Variants in COL21A1 observed in about 807,000 individuals in gnomAD.
The protein encoded by COL21A1 is collagen type XXI alpha 1 chain, also known as collagen alpha-1(XXI) chain.
COL21A1 carries 149 observed loss-of-function variants against 137.9 expected under a neutral mutation model. That is an observed-to-expected ratio of 1.08 (90% confidence interval 0.95 to 1.24). The LOEUF is 1.24. Ranked by LOEUF, COL21A1 falls within the 50% of genes most tolerant of loss-of-function variation. The probability of loss-of-function intolerance (pLI) is 0.00; values close to 1 mark genes in which losing one functional copy is unlikely to be tolerated. For missense variants in COL21A1, 1,167 were observed against 1,158.4 expected (o/e 1.01, Z -0.11); for synonymous variants, 456 against 391.5 (o/e 1.16, Z -1.95).
At chr6:56,220,453 C>G (rs1780759896) in intron 1 of COL21A1, among the ~76,000 whole-genome samples, 1 of 152,130 alleles carries the variant, frequency 6.6e-6, no homozygotes, top group African/African-American at 2.4e-5. Flanking sequence ...GTTGTCTATG[C>G]TTATTTGGTG....
rs1390456763 is a variant in COL21A1, at chr6:56,113,099, A to G, written c.1758+10963T>C. Among the ~76,000 whole-genome samples the G allele has an allele frequency of 2.6e-5, 4 of 152,188 alleles. No individual in the cohort carries two copies. The East Asian group carries it at 7.7e-4, about 29-fold the overall frequency. On this transcript the variant is annotated intron_variant, in intron 16 of 29. Coordinates refer to ENST00000244728, the MANE Select transcript of COL21A1 (RefSeq NM_030820.4). ...GCCAAAGCGCTTCAGTCTCCAAGTA[A>G]ACTTGAAAGGGAGCCTAGGCCATAA... is the stretch of plus-strand genomic sequence containing the variant.
rs568930607 is a variant in COL21A1 at position 56,075,961 on chromosome 6, G to A, written c.1858-429C>T. On this transcript the variant is annotated intron_variant, in intron 18 of 29. Coordinates refer to ENST00000244728, the MANE Select transcript of COL21A1 (RefSeq NM_030820.4). ...CGGCTGACTAGGTCCTCTAAGTCCA[G>A]AACAAAAATCCTAGAAGGAACATCC... is the stretch of plus-strand genomic sequence containing the variant. Among the ~76,000 whole-genome samples, 6 of 151,620 alleles carry A rather than the reference G, an allele frequency of 4.0e-5. No individual in the cohort carries two copies. In the South Asian group the frequency reaches 1.0e-3, roughly 26 times the overall value.
chr6:56,164,273 A>G, intron 9 of COL21A1, 150 bp downstream of exon 9: 1 of 614,928 alleles, frequency 1.6e-6, no homozygotes, highest in South Asian at 2.3e-5. Context: ...TTGTTTTTCT[A>G]GAAAAAAAAT....
chr6:56,284,493 A>T (rs1376021493), intron 1 of COL21A1, among the ~76,000 whole-genome samples: 2 of 152,152 alleles, frequency 1.3e-5, no homozygotes, highest in Non-Finnish European at 2.9e-5. Flanking sequence ...AGACTGTGTG[A>T]GTCTATCCCA....
chr6:56,211,290 A>G (rs1057299572), intron 1 of COL21A1, among the ~76,000 whole-genome samples: 13 of 150,020 alleles, frequency 8.7e-5, no homozygotes, highest in Non-Finnish European at 1.5e-4. Context: ...AAATATTTGT[A>G]ATGCACAGTC....
At chr6:56,303,069 G>A (rs1297981438) in intron 1 of COL21A1, among the ~76,000 whole-genome samples, 2 of 152,140 alleles carry the variant, frequency 1.3e-5, no homozygotes, top group Admixed American at 1.3e-4. Context: ...TGAGGGCTGT[G>A]TTCTCTTCCA....
chr6:56,316,329 G>C (rs996768377), intron 1 of COL21A1, among the ~76,000 whole-genome samples: 17 of 151,854 alleles, frequency 1.1e-4, no homozygotes, highest in African/African-American at 4.1e-4. Flanking sequence ...TTGCTAACCA[G>C]TATTTTTGCA....
At chr6:56,311,997 A>C (rs550764025) in intron 1 of COL21A1, among the ~76,000 whole-genome samples, 1 of 152,366 alleles carries the variant, frequency 6.6e-6, no homozygotes, top group African/African-American at 2.4e-5. Context: ...AGAAAAGAGC[A>C]TAATGAACTG....
rs1776746661 is a variant in COL21A1, at chr6:56,168,249, G to T, written c.1075C>A (p.Gln359Lys). Residue 359 changes from glutamine (Q) to lysine (K), a missense_variant, in exon 6 of 30, where the codon CAA becomes AAA. Coordinates refer to ENST00000244728, the MANE Select transcript of COL21A1 (RefSeq NM_030820.4). Reference protein sequence around the residue: ...WHQIRLLVTEQDVTLYIDDQQ... With the variant: ...WHQIRLLVTEKDVTLYIDDQQ... ...TCATCAATATACAAAGTCACATCTT[G>T]TTCTGTTACTAAGAGACGAATTTGG... 2 of 1,568,696 alleles carry T rather than the reference G, an allele frequency of 1.3e-6. No homozygotes were observed. The highest frequency in any genetic ancestry group is 1.3e-5 in the African/African-American group (1 of 74,374).
In COL21A1 at chr6:56,171,081, C is replaced by T. The variant is rs267601086; in HGVS notation, c.688G>A (p.Gly230Arg). ...TCTAAACCTAAAAGAATATCAAATC[C>T]CCTTTCATCACGAGCTGCCACTGGA... Reference protein sequence around the residue: ...RIPVAARDERGFDILLGLDVN... With the variant: ...RIPVAARDERRFDILLGLDVN... The change falls in exon 4 of 30, where the codon GGA becomes AGA. Residue 230 changes from glycine (G) to arginine (R), a missense_variant. Gly to Arg is a moderately radical substitution (Grantham distance 125, BLOSUM62 -2). Transcript: ENST00000244728. 1 of 1,608,568 alleles carries T rather than the reference C, an allele frequency of 6.2e-7. No individual in the cohort carries two copies. The highest frequency in any genetic ancestry group is 1.3e-5 in the African/African-American group (1 of 74,714).
chr6:56,166,907 A>G lies in COL21A1; in HGVS notation c.1277T>C (p.Phe426Ser). The change falls in exon 7 of 30, where the codon TTT becomes TCT. Residue 426 changes from phenylalanine to serine, a missense_variant and splice_region_variant. Phe to Ser is a radical substitution (Grantham distance 155). Coordinates refer to ENST00000244728, the MANE Select transcript of COL21A1 (RefSeq NM_030820.4). Reference sequence around the variant, plus strand: ...AAAAAAACAATCCCTCCTACTTACAAATCCAGGAATCTCACATGCTGTCTC... The same window carrying G: ...AAAAAAACAATCCCTCCTACTTACAGATCCAGGAATCTCACATGCTGTCTC... ...NRETACEIPGFNGECLNGPSD... is the reference protein window; with the variant it reads ...NRETACEIPGSNGECLNGPSD... The G allele has an allele frequency of 6.2e-7, 1 of 1,611,478 alleles. No individual in the cohort carries two copies. The highest frequency in any genetic ancestry group is 1.1e-5 in the South Asian group (1 of 90,442).
chr6:56,160,519 A>T (rs932038149), intron 9 of COL21A1, among the ~76,000 whole-genome samples: 16 of 152,332 alleles, frequency 1.1e-4, no homozygotes, highest in Admixed American at 3.3e-4. Context: ...ATATGGAAAA[A>T]AAAATTCCCC....
At chr6:56,317,040 A>G (rs1764755277) in intron 1 of COL21A1, among the ~76,000 whole-genome samples, 1 of 152,090 alleles carries the variant, frequency 6.6e-6, no homozygotes, top group Admixed American at 6.6e-5. Context: ...ATTATCATGT[A>G]AATATTAGCA....
intron 1 of COL21A1, among the ~76,000 whole-genome samples, chr6:56,279,607 T>C (rs1478376940): frequency 6.6e-6 from 1 of 152,190 alleles, no homozygotes; most frequent in East Asian, 1.9e-4. Flanking sequence ...ATTCTGGAAA[T>C]ACTTAAGGGT....
intron 1 of COL21A1, among the ~76,000 whole-genome samples, chr6:56,292,391 A>AACC (rs1764067652): frequency 8.0e-6 from 1 of 125,234 alleles, no homozygotes; most frequent in Non-Finnish European, 1.7e-5. Context: ...CAAAACAGGG[A>AACC]CCCCCCCCCT....
upstream of COL21A1, among the ~76,000 whole-genome samples, chr6:56,252,494 C>G (rs978376243): frequency 6.6e-6 from 1 of 151,996 alleles, no homozygotes; most frequent in African/African-American, 2.4e-5. Flanking sequence ...TGAGTAGCTC[C>G]CAGAAGGGCT....
chr6:56,201,481 A>C (rs1217564909), intron 1 of COL21A1, among the ~76,000 whole-genome samples: 1 of 152,152 alleles, frequency 6.6e-6, no homozygotes, highest in Non-Finnish European at 1.5e-5. Flanking sequence ...TAATTTTTGC[A>C]TAAGGTGTAA....
At chr6:56,390,220 T>C (rs1410833112) in intron 1 of COL21A1, among the ~76,000 whole-genome samples, 2 of 151,974 alleles carry the variant, frequency 1.3e-5, no homozygotes, top group Admixed American at 1.3e-4. Context: ...TTCTCTGCTA[T>C]GTGTTTGTTT....
chr6:56,292,561 C>A (rs1582760798), intron 1 of COL21A1, among the ~76,000 whole-genome samples: 1 of 152,292 alleles, frequency 6.6e-6, no homozygotes, highest in Admixed American at 6.5e-5. Context: ...CTTGGAGTAT[C>A]TCCCTCTACC....
Sources: allele counts gnomAD v4.1 joint callset (sites outside exome capture counted in the v4.1 genomes callset), GRCh38; gene constraint gnomAD v4.1.1; transcripts MANE v1.5; gene names NCBI Gene and HGNC (gene_info 2026-07-23, HGNC 2026-07-21).